The following DNM2 variants were observed in gnomAD, a reference collection of about 807,000 sequenced individuals.
DNM2 encodes dynamin-2.
In DNM2, 15 loss-of-function variants were observed where a neutral mutation model predicts 99.0. The observed-to-expected ratio is 0.15, with a 90% CI of 0.10 to 0.23. The LOEUF is 0.23. DNM2 is among the 10% of genes least tolerant of loss of function. The pLI, the probability that DNM2 is intolerant of heterozygous loss-of-function variation, is 1.00. For synonymous variants in DNM2, 525 were observed against 481.2 expected, an observed-to-expected ratio of 1.09 and a Z score of -1.19; for missense variants, 742 against 1,189.4, an observed-to-expected ratio of 0.62 and a Z score of 5.53.
At chr19:10,777,602 T>C (rs986827450) in intron 5 of DNM2, among the ~76,000 whole-genome samples, 3 of 152,166 alleles carry the variant, frequency 2.0e-5, no homozygotes, top group Non-Finnish European at 4.4e-5. Flanking sequence ...CTTTTCCTTT[T>C]TGTTTTTTGA....
At chr19:10,738,159 G>A (rs936145310) in intron 1 of DNM2, among the ~76,000 whole-genome samples, 2 of 152,094 alleles carry the variant, frequency 1.3e-5, no homozygotes, top group African/African-American at 2.4e-5. Flanking sequence ...TTGGAAGGCC[G>A]AGGTGGGCAG....
At position 10,831,359 on chromosome 19, in the gene DNM2, GA is replaced by G; in HGVS notation, c.*313del. The stretch of plus-strand genomic sequence containing the variant: ...TGAATGAGGGGTCCAGCCTGGGGGG[GA>G]CTCTACCAAGGTCTTCTTGGGCTGG... On this transcript the variant is annotated 3_prime_UTR_variant, in exon 21 of 21. Transcript: ENST00000389253. This position sits in a 1 kb window ranked among gnomAD's most constrained non-coding sequence, Gnocchi z 4.3. 8.7e-7 allele frequency: 1 copy of G among 1,145,960 alleles called. No individual in the cohort carries two copies. Among genetic ancestry groups the G allele is most frequent in the Non-Finnish European group, 1.1e-6 (1 of 931,764 alleles). 71.0% of individuals were successfully genotyped at this position (1,145,960 alleles called of 1,614,324 possible). A position where few individuals can be genotyped will look rare whatever the true frequency, so the allele number is the denominator to read the frequency against.
chr19:10,747,261 G>A (rs1326003278), intron 1 of DNM2, among the ~76,000 whole-genome samples: 1 of 152,106 alleles, frequency 6.6e-6, no homozygotes, highest in African/African-American at 2.4e-5. Flanking sequence ...GAGGCAGGTG[G>A]CATCATTCCC....
rs1326407243 is a variant in DNM2, at chr19:10,831,762, G to A, written c.*715G>A. ...GGGTCTTGGGGGCCTCTCAGCTCCC[G>A]CCCATGCCTCCCTGATGGGTGGGCC... On this transcript the variant is annotated 3_prime_UTR_variant, in exon 21 of 21. Transcript: ENST00000389253. The surrounding 1 kb of genome is among the most constrained non-coding windows in gnomAD (Gnocchi z 4.3). 2.9e-5 allele frequency: 29 copies of A among 986,492 alleles called. No homozygotes were observed. Among genetic ancestry groups the A allele is most frequent in the South Asian group, 9.4e-5 (2 of 21,332 alleles). 61.1% of individuals were successfully genotyped at this position (986,492 alleles called of 1,614,324 possible).
intron 8 of DNM2, 99 bp downstream of exon 8, chr19:10,793,954 T>G: frequency 2.1e-5 from 34 of 1,589,798 alleles, no homozygotes; most frequent in Non-Finnish European, 2.7e-5. Flanking sequence ...CTCAAGCTCC[T>G]ACCTCTAGGC....
chr19:10,718,286 A>G lies in DNM2; in HGVS notation c.44A>G (p.Lys15Arg), dbSNP rs2068819118. The G allele has an allele frequency of 6.7e-7, 1 of 1,499,912 alleles. No homozygotes were observed. The highest frequency in any genetic ancestry group is 8.9e-7 in the Non-Finnish European group (1 of 1,124,126). The allele number at this position is 1,499,912 out of a possible 1,614,324, so 92.9% of individuals were successfully genotyped here. A position where few individuals can be genotyped will look rare whatever the true frequency, so the allele number is the denominator to read the frequency against. ...GMEELIPLVN[K>R]LQDAFSSIGQ... ...GAAGAGCTGATCCCGCTGGTCAACA[A>G]ACTGCAGGACGCCTTCAGCTCCATC... Residue 15 changes from lysine to arginine, a missense_variant, in exon 1 of 21, where the codon AAA (lysine) becomes AGA (arginine). Physicochemically the swap from Lys to Arg is conservative, Grantham distance 26. Around this residue, in one of 7 missense-constraint regions of DNM2, gnomAD observed 52 missense variants for 46.1 expected, o/e 1.13. Transcript: ENST00000389253.
At chr19:10,741,029 A>G (rs1466651649) in intron 1 of DNM2, among the ~76,000 whole-genome samples, 2 of 152,162 alleles carry the variant, frequency 1.3e-5, no homozygotes, top group African/African-American at 2.4e-5. Flanking sequence ...CCATATGCAC[A>G]TGATAAGAAT....
At chr19:10,804,424 C>T (rs2072264993) in intron 12 of DNM2, among the ~76,000 whole-genome samples, 1 of 152,170 alleles carries the variant, frequency 6.6e-6, no homozygotes, top group Non-Finnish European at 1.5e-5. Context: ...CGCAGTGGCT[C>T]ATGCCTGTAA....
In DNM2 at chr19:10,831,018, C is replaced by G. The variant is rs774180125; in HGVS notation, c.2584C>G (p.Arg862Gly). The change falls in exon 21 of 21, where the codon CGC (arginine) becomes GGC (glycine). Residue 862 changes from arginine (R) to glycine (G), a missense_variant. Physicochemically the swap from Arg to Gly is moderately radical, Grantham distance 125. This residue lies in a region of DNM2 where 187 missense variants were observed against 218.8 expected (regional missense o/e 0.85). Transcript: ENST00000389253. This position sits in a 1 kb window ranked among gnomAD's most constrained non-coding sequence, Gnocchi z 4.3. ...PAAPSRPTII[R>G]PAEPSLLD Reference sequence around the variant, plus strand: ...TGCGCCCAGCCGGCCCACCATTATCCGCCCAGCCGAGCCATCCCTGCTCGA... The same window carrying G: ...TGCGCCCAGCCGGCCCACCATTATCGGCCCAGCCGAGCCATCCCTGCTCGA... 1 of 1,611,516 alleles carries G rather than the reference C, an allele frequency of 6.2e-7. No homozygotes were observed. The highest frequency in any genetic ancestry group is 8.5e-7 in the Non-Finnish European group (1 of 1,178,996).
rs2145922301 is a variant in DNM2 at position 10,775,153 on chromosome 19, C to T, written c.386-550C>T. On this transcript the variant is annotated intron_variant, in intron 3 of 20. Transcript: ENST00000389253. The surrounding 1 kb of genome is among the most constrained non-coding windows in gnomAD (Gnocchi z 4.3). ...CTGGAGTGCAGTGGTATGATCTCAG[C>T]TCACTGCAACCTCCACCTTCTGGGT... is the stretch of plus-strand genomic sequence containing the variant. Among the ~76,000 whole-genome samples, 1 of 152,192 alleles carries T rather than the reference C, an allele frequency of 6.6e-6. No homozygotes were observed. The highest frequency in any genetic ancestry group is 2.1e-4 in the South Asian group (1 of 4,824).
chr19:10,790,679 G>T (rs756451198), intron 7 of DNM2, among the ~76,000 whole-genome samples: 8 of 152,134 alleles, frequency 5.3e-5, no homozygotes, highest in Admixed American at 2.0e-4. Context: ...TGTTGGCCAG[G>T]CTGGTGTCGA....
At chr19:10,828,222 C>T (rs972007601) in intron 18 of DNM2, among the ~76,000 whole-genome samples, 1 of 150,826 alleles carries the variant, frequency 6.6e-6, no homozygotes, top group African/African-American at 2.4e-5. Context: ...CCAGGAGACG[C>T]AGGTTGCAGT....
At chr19:10,738,407 A>T (rs2145746949) in intron 1 of DNM2, among the ~76,000 whole-genome samples, 1 of 151,822 alleles carries the variant, frequency 6.6e-6, no homozygotes, top group South Asian at 2.1e-4. Context: ...GCTTGAGCCC[A>T]GGAGTTTGAT....
intron 12 of DNM2, among the ~76,000 whole-genome samples, chr19:10,803,391 C>G (rs2072223777): frequency 6.6e-6 from 1 of 152,170 alleles, no homozygotes; most frequent in African/African-American, 2.4e-5. Flanking sequence ...AGAACCCCTC[C>G]TAGAGATGAG....
intron 6 of DNM2, among the ~76,000 whole-genome samples, chr19:10,784,399 G>A (rs546902163): frequency 6.6e-6 from 1 of 152,272 alleles, no homozygotes; most frequent in South Asian, 2.1e-4. Context: ...TCCAGGAGAG[G>A]AAGCTGGGGT....
Position 10,812,455 on chromosome 19 carries a change from A to G in DNM2, c.1671+78A>G. ...GAGCGGGTGGGCGCTCCCTCTGGGC[A>G]GAACTCAGTCACTGCGCCACTCTGC... On this transcript the variant is annotated intron_variant, in intron 15 of 20. Transcript: ENST00000389253. The surrounding 1 kb of genome is among the most constrained non-coding windows in gnomAD (Gnocchi z 4.0). The G allele has an allele frequency of 8.0e-7, 1 of 1,243,072 alleles. No homozygotes were observed. Among genetic ancestry groups the G allele is most frequent in the South Asian group, 1.3e-5 (1 of 78,630 alleles). The allele number at this position is 1,243,072 out of a possible 1,614,324, so 77.0% of individuals were successfully genotyped here.
At chr19:10,740,073 C>G (rs1012555051) in intron 1 of DNM2, among the ~76,000 whole-genome samples, 7 of 151,824 alleles carry the variant, frequency 4.6e-5, no homozygotes, top group Non-Finnish European at 7.4e-5. Context: ...GAATAGTATT[C>G]CCTTATCATC....
At chr19:10,782,325 C>T (rs1011589129) in intron 5 of DNM2, among the ~76,000 whole-genome samples, 8 of 125,724 alleles carry the variant, frequency 6.4e-5, no homozygotes, top group African/African-American at 2.3e-4. Context: ...TGAGCCACCG[C>T]ACCTGGCCTT....
intron 9 of DNM2, 25 bp from the exon 10 acceptor site, chr19:10,797,354 CT>C: frequency 6.2e-7 from 1 of 1,610,960 alleles, no homozygotes. Flanking sequence ...GTCTTTCTGC[CT>C]CATCCTGCCC....
Sources: gnomAD v4.1 joint callset for allele counts (sites outside exome capture counted in the v4.1 genomes callset) on GRCh38, gnomAD v4.1.1 for gene constraint, gnomAD v4.1.1 regional missense constraint, Gnocchi (gnomAD v3.1) non-coding constraint, MANE v1.5 for transcripts, NCBI Gene and HGNC (gene_info 2026-07-23, HGNC 2026-07-21) for gene names.